Variants in LHFPL3 observed in about 807,000 individuals in gnomAD.
LHFPL3 encodes the protein LHFPL tetraspan subfamily member 3 protein.
A neutral mutation model predicts 19.3 loss-of-function variants in LHFPL3; 5 were observed. The ratio of observed to expected loss-of-function variants is 0.26; its 90% CI spans 0.14 to 0.54. The LOEUF (loss-of-function observed/expected upper bound fraction) is 0.54. Ranked by LOEUF, LHFPL3 falls within the 20% of genes least tolerant of loss-of-function variation. LHFPL3 has a pLI of 0.94. For synonymous variants in LHFPL3, 133 were observed against 126.2 expected, an observed-to-expected ratio of 1.05 and a Z score of -0.36; for missense variants, 249 against 307.4, an observed-to-expected ratio of 0.81 and a Z score of 1.42.
intron 2 of LHFPL3, among the ~76,000 whole-genome samples, chr7:104,772,842 A>G (rs1794576750): frequency 6.6e-6 from 1 of 152,224 alleles, no homozygotes; most frequent in Admixed American, 6.5e-5. Flanking sequence ...TCAATCAGAT[A>G]AATTTTTAAT....
rs1340753516 is a variant in LHFPL3 at position 104,399,772 on chromosome 7, A to G, written c.445+70548A>G. ...CAGTTGTAAGCCACTGCGCCCGGCCATATGTTCTTCTGTCCTTAAGGTAAT... is the reference window on the plus strand; with the variant it reads ...CAGTTGTAAGCCACTGCGCCCGGCCGTATGTTCTTCTGTCCTTAAGGTAAT... On this transcript the variant is annotated intron_variant, in intron 1 of 2. Coordinates refer to ENST00000424859, the MANE Select transcript of LHFPL3 (RefSeq NM_199000.3). The surrounding 1 kb of genome is among the most constrained non-coding windows in gnomAD (Gnocchi z 4.4). Among the ~76,000 whole-genome samples the G allele has an allele frequency of 6.7e-6, 1 of 150,208 alleles. No individual in the cohort carries two copies. Among genetic ancestry groups the G allele is most frequent in the Non-Finnish European group, 1.5e-5 (1 of 67,720 alleles).
intron 1 of LHFPL3, among the ~76,000 whole-genome samples, chr7:104,470,371 C>A (rs1584342581): frequency 6.6e-6 from 1 of 152,182 alleles, no homozygotes; most frequent in South Asian, 2.1e-4. Context: ...TCATTCTTTG[C>A]AAGCCTCTGT....
intron 2 of LHFPL3, among the ~76,000 whole-genome samples, chr7:104,880,913 G>A (rs1050436156): frequency 1.3e-5 from 2 of 152,182 alleles, no homozygotes; most frequent in African/African-American, 4.8e-5. Context: ...GCTCATGCCT[G>A]TAATCCCAGC....
chr7:104,560,702 G>T (rs1292645574), intron 1 of LHFPL3, among the ~76,000 whole-genome samples: 1 of 148,482 alleles, frequency 6.7e-6, no homozygotes, highest in Non-Finnish European at 1.5e-5. Context: ...TCTGATTTTA[G>T]TTATTTCTTG....
At chr7:104,363,627 C>T (rs1032755775) in intron 1 of LHFPL3, among the ~76,000 whole-genome samples, 2 of 152,184 alleles carry the variant, frequency 1.3e-5, no homozygotes, top group African/African-American at 2.4e-5. Context: ...GTTGTGCAAG[C>T]GCTAACCTTG....
chr7:104,380,291 T>A (rs1790802641), intron 1 of LHFPL3, among the ~76,000 whole-genome samples: 1 of 152,174 alleles, frequency 6.6e-6, no homozygotes. Context: ...AATAATGTAC[T>A]TGTACAGATA....
chr7:104,859,700 G>A (rs1791577888), intron 2 of LHFPL3, among the ~76,000 whole-genome samples: 1 of 152,016 alleles, frequency 6.6e-6, no homozygotes, highest in African/African-American at 2.4e-5. Context: ...TATAAGTAGA[G>A]GTATGAATAG....
At chr7:104,455,052 C>A (rs1382139560) in intron 1 of LHFPL3, among the ~76,000 whole-genome samples, 1 of 152,138 alleles carries the variant, frequency 6.6e-6, no homozygotes, top group Non-Finnish European at 1.5e-5. Context: ...GCCTCAGAGC[C>A]TCCTCAGTGT....
At chr7:104,665,674 C>T (rs1025617934) in intron 1 of LHFPL3, among the ~76,000 whole-genome samples, 4 of 152,174 alleles carry the variant, frequency 2.6e-5, no homozygotes, top group African/African-American at 9.7e-5. Flanking sequence ...TGTGATTTTT[C>T]AGTGAAGCTT....
chr7:104,587,270 T>C (rs1313719043), intron 1 of LHFPL3, among the ~76,000 whole-genome samples: 1 of 152,092 alleles, frequency 6.6e-6, no homozygotes, highest in Non-Finnish European at 1.5e-5. Flanking sequence ...CCCTCCCCTC[T>C]CCCCACACCC....
At chr7:104,704,143 C>T (rs943639528) in intron 1 of LHFPL3, among the ~76,000 whole-genome samples, 2 of 152,122 alleles carry the variant, frequency 1.3e-5, no homozygotes, top group African/African-American at 4.8e-5. Context: ...TTAATATCAT[C>T]TTGTAATTTG....
Position 104,696,009 on chromosome 7 carries a change from G to A in LHFPL3, c.446-40666G>A, listed in dbSNP as rs148745857. ...TCTGTTGCCCAGACTGGAGTGCAGT[G>A]GCACGATCTTGGCTCACTGCAACCT... On this transcript the variant is annotated intron_variant, in intron 1 of 2. Coordinates refer to ENST00000424859, the MANE Select transcript of LHFPL3 (RefSeq NM_199000.3). Among the ~76,000 whole-genome samples, 433 of 152,246 alleles carry A rather than the reference G, an allele frequency of 2.8e-3. 1 individual carries two copies. Among genetic ancestry groups the A allele is most frequent in the African/African-American group, 1.0e-2 (414 of 41,536 alleles).
chr7:104,828,937 G>A (rs1173134010), intron 2 of LHFPL3, among the ~76,000 whole-genome samples: 4 of 151,828 alleles, frequency 2.6e-5, no homozygotes, highest in East Asian at 3.9e-4. Flanking sequence ...CGGGAGGCTG[G>A]GGTGGGAGAA....
chr7:104,898,588 G>A (rs911518161), intron 2 of LHFPL3, among the ~76,000 whole-genome samples: 1 of 152,150 alleles, frequency 6.6e-6, no homozygotes, highest in Non-Finnish European at 1.5e-5. Context: ...GGAGAGAGGG[G>A]CACAATCTCC....
intron 1 of LHFPL3, among the ~76,000 whole-genome samples, chr7:104,441,826 G>T (rs765312238): frequency 6.6e-6 from 1 of 152,090 alleles, no homozygotes; most frequent in Non-Finnish European, 1.5e-5. Flanking sequence ...CGCCCACCTC[G>T]GCCTCCCTAA....
chr7:104,837,614 T>A (rs1791121878), intron 2 of LHFPL3, among the ~76,000 whole-genome samples: 1 of 152,168 alleles, frequency 6.6e-6, no homozygotes, highest in South Asian at 2.1e-4. Context: ...AAGCACCAAC[T>A]TTATTTTTTT....
chr7:104,599,925 G>A lies in LHFPL3; in HGVS notation c.446-136750G>A, dbSNP rs2193205. ...TTGTGCTGACTTAAAACTTTTTAAAGGCCCTAAACTTCTTATCCCCCGACA... is the reference window on the plus strand; with the variant it reads ...TTGTGCTGACTTAAAACTTTTTAAAAGCCCTAAACTTCTTATCCCCCGACA... On this transcript the variant is annotated intron_variant, in intron 1 of 2. Transcript: ENST00000424859. Among the ~76,000 whole-genome samples the A allele has an allele frequency of 4.2e-3, 641 of 152,248 alleles. 35 individuals carry two copies. In the East Asian group the frequency reaches 0.1, roughly 24 times the overall value.
At chr7:104,389,284 A>G (rs1791011697) in intron 1 of LHFPL3, among the ~76,000 whole-genome samples, 2 of 152,214 alleles carry the variant, frequency 1.3e-5, no homozygotes, top group South Asian at 4.1e-4. Context: ...ATAGCATCAA[A>G]AATAATAAAA....
intron 1 of LHFPL3, among the ~76,000 whole-genome samples, chr7:104,729,825 C>T (rs373372076): frequency 6.6e-6 from 1 of 152,062 alleles, no homozygotes; most frequent in Admixed American, 6.6e-5. Flanking sequence ...ATACATGTGA[C>T]ATGTTGGTGT....
Sources: gnomAD v4.1 joint callset for allele counts (sites outside exome capture counted in the v4.1 genomes callset) on GRCh38, gnomAD v4.1.1 for gene constraint, Gnocchi (gnomAD v3.1) non-coding constraint, MANE v1.5 for transcripts, NCBI Gene and HGNC (gene_info 2026-07-23, HGNC 2026-07-21) for gene names.